The following CACNA1S variants were observed in gnomAD, a reference collection of about 807,000 sequenced individuals.
CACNA1S encodes the protein voltage-dependent L-type calcium channel subunit alpha-1S.
In CACNA1S, 126 loss-of-function variants were observed where a neutral mutation model predicts 207.4. That is an observed-to-expected ratio of 0.61 (90% CI 0.53 to 0.70). The LOEUF (loss-of-function observed/expected upper bound fraction) is 0.70. CACNA1S is among the 30% of genes least tolerant of loss of function. CACNA1S has a pLI of 0.00. For synonymous variants in CACNA1S, 960 were observed against 932.7 expected (o/e 1.03, Z -0.53); for missense variants, 2,349 against 2,422.8 (o/e 0.97, Z 0.64).
At chr1:201,069,229 G>T in intron 18 of CACNA1S, 33 bp from the exon 19 acceptor site, 1 of 1,597,958 alleles carries the variant, frequency 6.3e-7, no homozygotes, top group Non-Finnish European at 8.6e-7. Flanking sequence ...AGCAGCCAGT[G>T]AGAGGAGGAG....
Position 201,075,624 on chromosome 1 carries a change from A to G in CACNA1S, c.1828-9T>C. ...TCTTCCCCTGTCAGTACCTGTATGG[A>G]GGGAGGATAGAGGGCTCGGGAACAC... On this transcript the variant is annotated splice_polypyrimidine_tract_variant and intron_variant, in intron 12 of 43. Transcript: ENST00000362061. The G allele has an allele frequency of 6.2e-7, 1 of 1,613,886 alleles. No homozygotes were observed.
chr1:201,056,400 C>A (rs1408796323), intron 28 of CACNA1S, among the ~76,000 whole-genome samples: 3 of 152,320 alleles, frequency 2.0e-5, no homozygotes, highest in Admixed American at 2.0e-4. Context: ...CACCCCTATA[C>A]CCAACTCACC....
At chr1:201,052,792 A>G in intron 31 of CACNA1S, 144 bp from the exon 32 acceptor site, 1 of 707,818 alleles carries the variant, frequency 1.4e-6, no homozygotes, top group Non-Finnish European at 2.5e-6. Context: ...TCAGACCTGA[A>G]GCCAAAAAAA....
At chr1:201,072,931 C>A in intron 15 of CACNA1S, 107 bp from the exon 16 acceptor site, 1 of 854,236 alleles carries the variant, frequency 1.2e-6, no homozygotes, top group Non-Finnish European at 2.0e-6. Flanking sequence ...TTAATCATCC[C>A]TACAGCCTAA....
chr1:201,043,654 A>C, intron 39 of CACNA1S, 123 bp from the exon 40 acceptor site: 1 of 876,654 alleles, frequency 1.1e-6, no homozygotes, highest in Non-Finnish European at 1.8e-6. Context: ...TATAAGGCCA[A>C]AGGAGGATGG....
intron 7 of CACNA1S, among the ~76,000 whole-genome samples, chr1:201,087,035 G>A (rs2102156866): frequency 6.6e-6 from 1 of 152,296 alleles, no homozygotes; most frequent in East Asian, 1.9e-4. Context: ...TTCTGGAATG[G>A]GATGATACCA....
Position 201,066,933 on chromosome 1 carries a change from G to A in CACNA1S, c.2611C>T (p.Leu871=), listed in dbSNP as rs1433153168. 3 of 1,614,214 alleles carry A rather than the reference G, an allele frequency of 1.9e-6. No individual in the cohort carries two copies. In the African/African-American group the frequency reaches 4.0e-5, roughly 22 times the overall value. ...GACACGGCCACCACCAGCAGGTCCA[G>A]CATGTTGAAGTAATTGCGGCAGAAG... The part of the protein sequence containing the change: ...GSFCRNYFNM[L]DLLVVAVSLI... Residue 871 remains leucine, a synonymous_variant, in exon 20 of 44, where the codon CTG becomes TTG. Coordinates refer to ENST00000362061, the MANE Select transcript of CACNA1S (RefSeq NM_000069.3). The surrounding 1 kb of genome is among the most constrained non-coding windows in gnomAD (Gnocchi z 4.3).
At position 201,053,538 on chromosome 1, in the gene CACNA1S, CG is replaced by C. The variant is rs777057600; in HGVS notation, c.3715del (p.Arg1239ValfsTer3). ...CAGCAGCTTGATCAGCCTCATGACA[CG>C]GAACAGGCGGAAGAAGGCGCTGGAG... The part of the protein sequence containing the change: ...RISSAFFRLF[R>X]VMRLIKLLSR... On this transcript the variant is annotated frameshift_variant, in exon 30 of 44. Transcript: ENST00000362061. LOFTEE classifies it high-confidence loss of function. The surrounding 1 kb of genome is among the most constrained non-coding windows in gnomAD (Gnocchi z 5.1). The C allele has an allele frequency of 2.5e-6, 4 of 1,614,076 alleles. No individual in the cohort carries two copies. Among genetic ancestry groups the C allele is most frequent in the Non-Finnish European group, 2.5e-6 (3 of 1,180,004 alleles).
intron 2 of CACNA1S, among the ~76,000 whole-genome samples, chr1:201,102,483 C>T (rs529883475): frequency 5.9e-5 from 9 of 152,138 alleles, no homozygotes; most frequent in South Asian, 2.1e-4. Context: ...AAGGAAGGCC[C>T]GACATATTTC....
intron 36 of CACNA1S, 60 bp downstream of exon 36, chr1:201,048,522 T>C: frequency 7.4e-7 from 1 of 1,344,688 alleles, no homozygotes; most frequent in South Asian, 1.2e-5. Context: ...TCTGGCAGAA[T>C]CTGTGCCAGA....
intron 31 of CACNA1S, 33 bp from the exon 32 acceptor site, chr1:201,052,681 C>G (rs958838888): frequency 6.4e-7 from 1 of 1,561,862 alleles, no homozygotes; most frequent in South Asian, 1.1e-5. Context: ...ACTGTGGAAC[C>G]TAGATTAAAG....
chr1:201,062,099 G>A lies in CACNA1S; in HGVS notation c.2907-9C>T, dbSNP rs746199258. 24 of 1,612,818 alleles carry A rather than the reference G, an allele frequency of 1.5e-5. No individual in the cohort carries two copies. The highest frequency in any genetic ancestry group is 1.8e-5 in the Non-Finnish European group (21 of 1,179,558). ...ACACGTAGTAGTAGCCCCTGTGGCA[G>A]GGAGGCCCAGTCACTCCACAGGGCA... On this transcript the variant is annotated splice_polypyrimidine_tract_variant and intron_variant, in intron 23 of 43. Transcript: ENST00000362061.
chr1:201,074,858 T>C (rs1661550874), intron 13 of CACNA1S, among the ~76,000 whole-genome samples: 1 of 152,148 alleles, frequency 6.6e-6, no homozygotes, highest in South Asian at 2.1e-4. Context: ...TCCAGACTGG[T>C]CCCAGCTCCC....
At chr1:201,107,589 A>AATTAAACCTT (rs1276116723) in intron 2 of CACNA1S, among the ~76,000 whole-genome samples, 7 of 152,224 alleles carry the variant, frequency 4.6e-5, no homozygotes, top group Non-Finnish European at 8.8e-5. Flanking sequence ...GGTCATGAAT[A>AATTAAACCTT]ATTAAACCTT....
At chr1:201,046,371 G>A (rs1182471661) in intron 38 of CACNA1S, among the ~76,000 whole-genome samples, 1 of 151,988 alleles carries the variant, frequency 6.6e-6, no homozygotes, top group African/African-American at 2.4e-5. Flanking sequence ...AGTAGAGATG[G>A]GGTTCTACCA....
intron 27 of CACNA1S, among the ~76,000 whole-genome samples, 180 bp from the exon 28 acceptor site, chr1:201,058,671 CT>C (rs1414267074): frequency 6.6e-6 from 1 of 152,182 alleles, no homozygotes; most frequent in Non-Finnish European, 1.5e-5. Context: ...TCCAACACTC[CT>C]CTCCCCTTTG....
intron 9 of CACNA1S, among the ~76,000 whole-genome samples, chr1:201,084,056 A>T (rs1454176337): frequency 1.3e-5 from 2 of 152,220 alleles, no homozygotes; most frequent in African/African-American, 2.4e-5. Flanking sequence ...ACATCCAAAG[A>T]TACAAGAAGG....
At chr1:201,089,524 A>G in intron 5 of CACNA1S, 61 bp from the exon 6 acceptor site, 1 of 1,517,444 alleles carries the variant, frequency 6.6e-7, no homozygotes, top group Admixed American at 1.7e-5. Context: ...CGACAGGAGG[A>G]AAGGTGTATA....
At position 201,047,222 on chromosome 1, in the gene CACNA1S, C is replaced by T; in HGVS notation, c.4561G>A (p.Gly1521Arg). 1 of 1,614,170 alleles carries T rather than the reference C, an allele frequency of 6.2e-7. No homozygotes were observed. The stretch of plus-strand genomic sequence containing the variant: ...ATGAGGAATGTGGCGTAGAACTTCC[C>T]CACTGTCACCTCATCATCTGCAGAG... ...PPIGDDEVTVGKFYATFLIQE... is the reference protein window; with the variant it reads ...PPIGDDEVTVRKFYATFLIQE... Residue 1521 changes from glycine to arginine, a missense_variant, in exon 38 of 44, where the codon GGG becomes AGG. Gly to Arg is a moderately radical substitution (Grantham distance 125). Transcript: ENST00000362061.
Sources: gnomAD v4.1 joint callset for allele counts (sites outside exome capture counted in the v4.1 genomes callset) on GRCh38, gnomAD v4.1.1 for gene constraint, Gnocchi (gnomAD v3.1) non-coding constraint, MANE v1.5 for transcripts, NCBI Gene and HGNC (gene_info 2026-07-23, HGNC 2026-07-21) for gene names.